The following PDE1A variants were observed in gnomAD, a reference collection of about 807,000 sequenced individuals.
The protein encoded by PDE1A is dual specificity calcium/calmodulin-dependent 3',5'-cyclic nucleotide phosphodiesterase 1A.
PDE1A carries 35 observed loss-of-function variants against 61.7 expected under a neutral mutation model. The ratio of observed to expected loss-of-function variants is 0.57; its 90% CI spans 0.43 to 0.75. The LOEUF (loss-of-function observed/expected upper bound fraction) is 0.75. PDE1A is among the 30% of genes least tolerant of loss of function. The pLI, the probability that PDE1A is intolerant of heterozygous loss-of-function variation, is 0.00. For synonymous variants in PDE1A, 232 were observed against 213.2 expected, an observed-to-expected ratio of 1.09 and a Z score of -0.77; for missense variants, 597 against 630.6, an observed-to-expected ratio of 0.95 and a Z score of 0.57.
chr2:182,493,597 A>T (rs954250444), intron 2 of PDE1A, among the ~76,000 whole-genome samples: 1 of 152,224 alleles, frequency 6.6e-6, no homozygotes, highest in East Asian at 1.9e-4. Flanking sequence ...AGGATTATAA[A>T]TCATGCTGCT....
At chr2:182,287,548 G>A (rs1694249104) in intron 1 of PDE1A, among the ~76,000 whole-genome samples, 1 of 152,054 alleles carries the variant, frequency 6.6e-6, no homozygotes, top group Admixed American at 6.6e-5. Context: ...CTTGAGTAAA[G>A]TTTGACTCAC....
At chr2:182,378,359 C>A (rs1223297295) in intron 1 of PDE1A, among the ~76,000 whole-genome samples, 1 of 151,944 alleles carries the variant, frequency 6.6e-6, no homozygotes, top group Admixed American at 6.6e-5. Flanking sequence ...ATTGACCTGG[C>A]CATGAAAAAC....
chr2:182,362,190 T>G (rs188736421), intron 1 of PDE1A, among the ~76,000 whole-genome samples: 2 of 152,090 alleles, frequency 1.3e-5, no homozygotes, highest in Admixed American at 1.3e-4. Context: ...ATGTATTCAT[T>G]CTGCAAATCA....
the PDE1A span, among the ~76,000 whole-genome samples, chr2:182,643,803 T>C: frequency 6.6e-6 from 1 of 152,136 alleles, no homozygotes; most frequent in African/African-American, 2.4e-5. Context: ...AGAATTGATA[T>C]GAAGGACATT....
exon 14 of PDE1A, chr2:182,168,242 G>A (rs746971293): frequency 3.1e-6 from 5 of 1,590,332 alleles, no homozygotes; most frequent in Non-Finnish European, 4.3e-6. Context: ...TTTACTTAAA[G>A]GTGTTTACTG....
At chr2:182,150,428 T>C (rs1350968388) in intron 13 of PDE1A, among the ~76,000 whole-genome samples, 1 of 152,206 alleles carries the variant, frequency 6.6e-6, no homozygotes, top group Admixed American at 6.5e-5. Context: ...GTAACGTCAC[T>C]TTTGAATTTC....
At chr2:182,693,058 C>G in the PDE1A span, among the ~76,000 whole-genome samples, 1 of 151,924 alleles carries the variant, frequency 6.6e-6, no homozygotes, top group Admixed American at 6.6e-5. Flanking sequence ...CAACTGCACT[C>G]CAGCCTGGGT....
exon 9 of PDE1A, chr2:182,201,764 T>C: frequency 1.2e-6 from 2 of 1,607,710 alleles, no homozygotes; most frequent in Non-Finnish European, 8.5e-7. Context: ...GATAAAACCA[T>C]TTCAATCACT....
chr2:182,627,250 TA>T, the PDE1A span, among the ~76,000 whole-genome samples: 1,392 of 24,686 alleles, frequency 0.056, 3 homozygotes, highest in Admixed American at 0.09. Flanking sequence ...AAAATATAAA[TA>T]ATATATTATT....
At chr2:182,509,794 T>C (rs1689668845) in intron 2 of PDE1A, among the ~76,000 whole-genome samples, 1 of 152,220 alleles carries the variant, frequency 6.6e-6, no homozygotes, top group South Asian at 2.1e-4. Context: ...TTCAGCTTTG[T>C]CTTATCTTGC....
At chr2:182,505,709 C>A (rs1051059946) in intron 2 of PDE1A, among the ~76,000 whole-genome samples, 13 of 152,158 alleles carry the variant, frequency 8.5e-5, no homozygotes, top group Non-Finnish European at 1.8e-4. Flanking sequence ...AGTGCATAAG[C>A]CCTTTCTAAG....
intron 1 of PDE1A, among the ~76,000 whole-genome samples, chr2:182,276,653 G>A (rs1693433599): frequency 1.3e-5 from 2 of 152,014 alleles, no homozygotes; most frequent in Admixed American, 6.6e-5. Context: ...AGGGAACAAG[G>A]GAAGACAACC....
chr2:182,571,267 G>C, the PDE1A span, among the ~76,000 whole-genome samples: 1 of 151,878 alleles, frequency 6.6e-6, no homozygotes, highest in Non-Finnish European at 1.5e-5. Context: ...TTTAAAATAG[G>C]GGTCATTGAA....
At chr2:182,660,829 T>C in the PDE1A span, among the ~76,000 whole-genome samples, 1 of 152,238 alleles carries the variant, frequency 6.6e-6, no homozygotes, top group Non-Finnish European at 1.5e-5. Flanking sequence ...GGCACTGGGA[T>C]TGCGGCCCTT....
chr2:182,467,913 T>C (rs1412608314), intron 2 of PDE1A, among the ~76,000 whole-genome samples: 2 of 152,050 alleles, frequency 1.3e-5, no homozygotes, highest in Admixed American at 1.3e-4. Flanking sequence ...ATAAAAGTTA[T>C]GTTTACACTC....
At chr2:182,243,370 G>A (rs1208221381) in intron 2 of PDE1A, among the ~76,000 whole-genome samples, 1 of 152,154 alleles carries the variant, frequency 6.6e-6, no homozygotes, top group African/African-American at 2.4e-5. Context: ...CAATGAGGAA[G>A]TATTAGTTAT....
chr2:182,493,311 C>A lies in PDE1A; in HGVS notation c.101+28965G>T, dbSNP rs923499927. Among the ~76,000 whole-genome samples, 11 of 146,306 alleles carry A rather than the reference C, an allele frequency of 7.5e-5. No individual in the cohort carries two copies. In the Admixed American group the frequency reaches 7.6e-4, roughly 10 times the overall value. ...TTTTTATATATATATACTTTAAGTT[C>A]TAGGGTACATGTGCACAACGTGCAG... On this transcript the variant is annotated intron_variant, in intron 2 of 14. Transcript: ENST00000410103.
chr2:182,503,080 C>T (rs1174188123), intron 2 of PDE1A, among the ~76,000 whole-genome samples: 1 of 129,020 alleles, frequency 7.8e-6, no homozygotes, highest in African/African-American at 2.8e-5. Context: ...CACATACACA[C>T]ACACACAGCA....
intron 1 of PDE1A, among the ~76,000 whole-genome samples, chr2:182,298,147 G>A (rs1695008467): frequency 6.6e-6 from 1 of 152,170 alleles, no homozygotes; most frequent in African/African-American, 2.4e-5. Flanking sequence ...TAACTCATCT[G>A]TGAAGAATTG....
Sources: gnomAD v4.1 joint callset for allele counts (sites outside exome capture counted in the v4.1 genomes callset) on GRCh38, gnomAD v4.1.1 for gene constraint, MANE v1.5 for transcripts, NCBI Gene and HGNC (gene_info 2026-07-23, HGNC 2026-07-21) for gene names.